NADK: variants seen among roughly 807,000 people sequenced by gnomAD.
The protein encoded by NADK is NAD kinase, also known as poly(P)/ATP NAD kinase.
NADK carries 22 observed loss-of-function variants against 49.8 expected under a neutral mutation model. The observed-to-expected ratio is 0.44, with a 90% CI of 0.32 to 0.63. NADK has a LOEUF of 0.63. Among genes scored for constraint, NADK ranks in the 30% least tolerant of loss-of-function variants. NADK has a pLI of 0.06. For missense variants in NADK, 438 were observed against 609.4 expected (o/e 0.72, Z 2.96); for synonymous variants, 268 against 253.7 (o/e 1.06, Z -0.54).
chr1:1,765,271 T>C lies in NADK; in HGVS notation c.136A>G (p.Ser46Gly). ...CCCAGGGCGGGCGAGGCAGACAGGC[T>C]GCGAGACTTGGCCCGGCCCCGGATG... ...HPIRGRAKSR[S>G]LSASPALGST... is the part of the protein sequence containing the mutation. The change falls in exon 2 of 12, where the codon AGC becomes GGC. Residue 46 changes from serine to glycine, a missense_variant. Ser to Gly is a moderately conservative substitution (Grantham distance 56). Transcript: ENST00000341426. 1 of 1,613,148 alleles carries C rather than the reference T, an allele frequency of 6.2e-7. No homozygotes were observed. Among genetic ancestry groups the C allele is most frequent in the East Asian group, 2.2e-5 (1 of 44,796 alleles).
rs1646269943 is a variant in NADK, at chr1:1,778,243, C to G, written c.-41+46G>C. 1 of 152,134 alleles carries G rather than the reference C, an allele frequency of 6.6e-6. No homozygotes were observed. The highest frequency in any genetic ancestry group is 2.4e-5 in the African/African-American group (1 of 41,440). The allele number at this position is 152,134 out of a possible 1,614,324, so 9.4% of individuals were successfully genotyped here. ...GCTCGCGGGCAGCGATGACCCCAGG[C>G]AGCGGGCGACCCCAGGCGGACGGCA... On this transcript the variant is annotated intron_variant, in intron 1 of 11. Transcript: ENST00000341426. This position sits in a 1 kb window ranked among gnomAD's most constrained non-coding sequence, Gnocchi z 4.9.
At chr1:1,778,841 T>C (rs974453554), upstream of NADK, 1 of 151,548 alleles carries the variant, frequency 6.6e-6, no homozygotes, top group South Asian at 2.1e-4. The surrounding 1 kb of genome is among the most constrained non-coding windows in gnomAD (Gnocchi z 4.9). Flanking sequence ...CGCCCCCAAC[T>C]CACCGCCACC....
intron 1 of NADK, among the ~76,000 whole-genome samples, chr1:1,768,068 C>A (rs530344958): frequency 2.8e-4 from 42 of 151,106 alleles, no homozygotes; most frequent in African/African-American, 9.5e-4. Context: ...CTACTTGGGA[C>A]GCTGAGGCAG....
At chr1:1,764,723 G>A (rs535782615) in intron 2 of NADK, among the ~76,000 whole-genome samples, 16 of 152,286 alleles carry the variant, frequency 1.1e-4, no homozygotes, top group African/African-American at 3.9e-4. Context: ...CCAACATGGT[G>A]AAACCCCGTC....
At chr1:1,756,450 T>TG in intron 5 of NADK, 53 bp downstream of exon 5, 1 of 1,612,492 alleles carries the variant, frequency 6.2e-7, no homozygotes, top group South Asian at 1.1e-5. Context: ...AAGCTTCCAA[T>TG]GGGGCGGGGA....
At position 1,756,080 on chromosome 1, in the gene NADK, C is replaced by T. The variant is rs372502751; in HGVS notation, c.585+178G>A. The T allele has an allele frequency of 1.9e-4, 124 of 645,950 alleles. No homozygotes were observed. In the South Asian group the frequency reaches 2.1e-3, roughly 11 times the overall value. The allele number at this position is 645,950 out of a possible 1,614,324, so 40.0% of individuals were successfully genotyped here. A position where few individuals can be genotyped will look rare whatever the true frequency, so the allele number is the denominator to read the frequency against. On this transcript the variant is annotated intron_variant, in intron 6 of 11. Transcript: ENST00000341426. The stretch of plus-strand genomic sequence containing the variant: ...CAGCCGTAGCACTGTGTCCACACTG[C>T]CCCTGGCCCCACCGTCGCACCCCAC...
chr1:1,760,017 G>C, intron 3 of NADK: 1 of 1,132,436 alleles, frequency 8.8e-7, no homozygotes, highest in Non-Finnish European at 1.3e-6. Flanking sequence ...GGGGCCGGGA[G>C]GGCAGTGGAG....
chr1:1,771,195 T>G (rs1208894810), intron 1 of NADK, among the ~76,000 whole-genome samples: 1 of 151,308 alleles, frequency 6.6e-6, no homozygotes, highest in Non-Finnish European at 1.5e-5. Context: ...GCAAAAGACA[T>G]GTCAGAACTG....
intron 10 of NADK, 129 bp from the exon 11 acceptor site, chr1:1,753,778 G>T: frequency 1.2e-6 from 1 of 857,982 alleles, no homozygotes; most frequent in Non-Finnish European, 1.8e-6. Flanking sequence ...ACGGTGCAGT[G>T]CACGTCCTAC....
intron 3 of NADK, among the ~76,000 whole-genome samples, chr1:1,760,087 G>C (rs1557845000): frequency 6.6e-6 from 1 of 152,218 alleles, no homozygotes; most frequent in East Asian, 1.9e-4. Flanking sequence ...CGCGGCGAGT[G>C]GTCAGGAGTC....
Position 1,759,171 on chromosome 1 carries a change from C to T in NADK, c.264-1861G>A, listed in dbSNP as rs776002326. On this transcript the variant is annotated intron_variant, in intron 3 of 11. Transcript: ENST00000341426. ...GCCCAGCCAGAGCCACCAGCAGCGG[C>T]GTCGTACACCGGCCCAGGCACCCAC... 54 of 1,565,484 alleles carry T rather than the reference C, an allele frequency of 3.4e-5. No individual in the cohort carries two copies. The highest frequency in any genetic ancestry group is 1.2e-4 in the East Asian group (5 of 41,684).
At position 1,757,193 on chromosome 1, in the gene NADK, C is replaced by G; in HGVS notation, c.381G>C (p.Thr127=). The G allele has an allele frequency of 7.5e-7, 1 of 1,329,510 alleles. No homozygotes were observed. Among genetic ancestry groups the G allele is most frequent in the Non-Finnish European group, 1.0e-6 (1 of 977,328 alleles). 82.4% of individuals were successfully genotyped at this position (1,329,510 alleles called of 1,614,324 possible). The change falls in exon 4 of 12, where the codon ACG becomes ACC. Residue 127 remains threonine, a synonymous_variant. Transcript: ENST00000341426. ...CTGCCCCGCGTGCCTCCATGAGGTG[C>G]GTGCAGAGCTCCTTGAACGGCTGCA... ...SLLQPFKELC[T]HLMEENMIVY...
At chr1:1,756,187 G>A (rs1645514211) in intron 6 of NADK, 71 bp downstream of exon 6, 2 of 1,391,844 alleles carry the variant, frequency 1.4e-6, no homozygotes, top group East Asian at 2.3e-5. Context: ...TGGAAGCCAT[G>A]CTTGTGAGCC....
At position 1,755,438 on chromosome 1, in the gene NADK, G is replaced by A. The variant is rs1645482816; in HGVS notation, c.624C>T (p.Ser208=). 6.2e-7 allele frequency: 1 copy of A among 1,614,060 alleles called. No individual in the cohort carries two copies. Among genetic ancestry groups the A allele is most frequent in the Non-Finnish European group, 8.5e-7 (1 of 1,180,012 alleles). Residue 208 remains serine, a synonymous_variant, in exon 7 of 12, where the codon TCC becomes TCT. Coordinates refer to ENST00000341426, the MANE Select transcript of NADK (RefSeq NM_023018.5). ...VPPVMAFHLG[S]LGFLTPFSFE... is the part of the protein sequence containing the mutation. The stretch of plus-strand genomic sequence containing the variant: ...AGCTGAATGGGGTCAGGAAGCCCAG[G>A]GAGCCCAGGTGGAAGGCCATGACCG...
chr1:1,763,993 ACAACGAGG>A (rs1341826476), intron 2 of NADK, among the ~76,000 whole-genome samples: 5 of 152,360 alleles, frequency 3.3e-5, no homozygotes, highest in South Asian at 2.1e-4. Flanking sequence ...ACCCCCACTG[ACAACGAGG>A]CAACGAGGCA....
chr1:1,774,908 C>T (rs1389812138), intron 1 of NADK, among the ~76,000 whole-genome samples: 2 of 152,008 alleles, frequency 1.3e-5, no homozygotes, highest in East Asian at 1.9e-4. Context: ...GAGTTCAACA[C>T]CAGCCTGGCC....
At chr1:1,768,040 G>A (rs191359899) in intron 1 of NADK, among the ~76,000 whole-genome samples, 52 of 151,970 alleles carry the variant, frequency 3.4e-4, no homozygotes, top group Non-Finnish European at 6.2e-4. Flanking sequence ...GCGTGGTGGC[G>A]GGCGCCTGTA....
At position 1,755,489 on chromosome 1, in the gene NADK, G is replaced by A. The variant is rs756120297; in HGVS notation, c.586-13C>T. On this transcript the variant is annotated splice_polypyrimidine_tract_variant and intron_variant, in intron 6 of 11. Coordinates refer to ENST00000341426, the MANE Select transcript of NADK (RefSeq NM_023018.5). ...GAGGGACGCTGCCCTGTGAGCCGAC[G>A]GAGAGGTCACTCAGTGCCCACGCCG... is the stretch of plus-strand genomic sequence containing the variant. 2.9e-5 allele frequency: 46 copies of A among 1,607,776 alleles called. No homozygotes were observed. Among genetic ancestry groups the A allele is most frequent in the South Asian group, 2.2e-4 (20 of 90,950 alleles).
intron 1 of NADK, among the ~76,000 whole-genome samples, chr1:1,765,853 T>G (rs1645869617): frequency 6.6e-6 from 1 of 152,146 alleles, no homozygotes; most frequent in Non-Finnish European, 1.5e-5. Context: ...GAGGCTGCAG[T>G]AAGTCGAGAT....
Sources: gnomAD v4.1 joint callset for allele counts (sites outside exome capture counted in the v4.1 genomes callset) on GRCh38, gnomAD v4.1.1 for gene constraint, Gnocchi (gnomAD v3.1) non-coding constraint, MANE v1.5 for transcripts, NCBI Gene and HGNC (gene_info 2026-07-23, HGNC 2026-07-21) for gene names.